The following PKHD1 variants were observed in gnomAD, a reference collection of about 807,000 sequenced individuals.
PKHD1 encodes the protein PKHD1 ciliary IPT domain containing fibrocystin/polyductin.
Under a neutral mutation model 412.0 loss-of-function variants are expected in PKHD1, and 291 were observed. That is an observed-to-expected ratio of 0.71 (90% CI 0.64 to 0.78). The LOEUF (loss-of-function observed/expected upper bound fraction) is 0.78. PKHD1 is among the 30% of genes least tolerant of loss of function. The pLI is 0.00. For missense variants in PKHD1, 4,825 were observed against 4,950.7 expected, an observed-to-expected ratio of 0.97 and a Z score of 0.76; for synonymous variants, 1,777 against 1,821.5, an observed-to-expected ratio of 0.98 and a Z score of 0.62.
rs71544105 is a variant in PKHD1 at position 51,880,779 on chromosome 6, TAAAAAAAAAAAAAAA to T, written c.7350+2299_7350+2313del. On this transcript the variant is annotated intron_variant, in intron 46 of 66. Transcript: ENST00000371117. ...CTTAGAGTATAATAAAAAAAAAAAT[TAAAAAAAAAAAAAAA>T]AAAAAAAAAAAAACACAAAAAATTA... Among the ~76,000 whole-genome samples the T allele has an allele frequency of 2.7e-4, 8 of 30,038 alleles. 1 individual carries two copies. The highest frequency in any genetic ancestry group is 3.3e-4 in the Non-Finnish European group (7 of 21,188). 19.7% of individuals were successfully genotyped at this position (30,038 alleles called of 152,430 possible). A position where few individuals can be genotyped will look rare whatever the true frequency, so the allele number is the denominator to read the frequency against.
At chr6:51,796,582 T>A (rs1794640301) in intron 52 of PKHD1, among the ~76,000 whole-genome samples, 1 of 152,144 alleles carries the variant, frequency 6.6e-6, no homozygotes. Context: ...CTTTTAGTTG[T>A]AATGTTAGAT....
chr6:52,051,632 C>T (rs919022987), intron 21 of PKHD1, among the ~76,000 whole-genome samples: 5 of 152,034 alleles, frequency 3.3e-5, no homozygotes, highest in Non-Finnish European at 7.4e-5. Context: ...GAGGTGAGGG[C>T]AGTAAGAAAA....
In PKHD1 at chr6:51,870,319, G is replaced by A. The variant is rs554014445; in HGVS notation, c.7486+185C>T. On this transcript the variant is annotated intron_variant, in intron 47 of 66. Transcript: ENST00000371117. ...AGGCACCATAATAGGAGCAGGACAG[G>A]GAGCTGCAGAAGCTGTACTGGGAGA... 6.6e-5 allele frequency among the ~76,000 whole-genome samples: 10 copies of A among 152,278 alleles called. No homozygotes were observed. The East Asian group carries it at 1.9e-3, about 29-fold the overall frequency.
chr6:51,900,172 T>G (rs1780993829), intron 43 of PKHD1, among the ~76,000 whole-genome samples: 1 of 152,158 alleles, frequency 6.6e-6, no homozygotes, highest in Non-Finnish European at 1.5e-5. Context: ...AAAACTACTT[T>G]AAAGTTCATA....
intron 36 of PKHD1, among the ~76,000 whole-genome samples, chr6:51,936,313 A>G (rs1787471845): frequency 6.6e-6 from 1 of 152,186 alleles, no homozygotes; most frequent in Admixed American, 6.5e-5. Context: ...TAGTGTCTCA[A>G]TGAGCAAAGG....
chr6:52,052,285 C>T (rs567109903), intron 21 of PKHD1, among the ~76,000 whole-genome samples: 4 of 152,188 alleles, frequency 2.6e-5, no homozygotes, highest in Non-Finnish European at 5.9e-5. Context: ...ACCATTCTGC[C>T]TTGGCTGTGG....
intron 61 of PKHD1, among the ~76,000 whole-genome samples, chr6:51,655,881 C>T (rs1771746812): frequency 6.6e-6 from 1 of 152,162 alleles, no homozygotes; most frequent in African/African-American, 2.4e-5. Context: ...CACTTTTACA[C>T]TGTTGGTGGG....
Position 51,632,545 on chromosome 6 carries a change from AT to A in PKHD1, c.11665+19del. On this transcript the variant is annotated intron_variant, in intron 65 of 66. Transcript: ENST00000371117. Reference sequence around the variant, plus strand: ...TTTTTTCAGAAATTTTCATTCCAAAATAAAAAAAAAACTACATACTTCTGCT... The same window carrying A: ...TTTTTTCAGAAATTTTCATTCCAAAAAAAAAAAAAACTACATACTTCTGCT... 1 of 1,595,130 alleles carries A rather than the reference AT, an allele frequency of 6.3e-7. No individual in the cohort carries two copies. The highest frequency in any genetic ancestry group is 8.6e-7 in the Non-Finnish European group (1 of 1,165,476).
At chr6:51,816,182 G>A (rs6931197) in intron 52 of PKHD1, among the ~76,000 whole-genome samples, 140,273 of 152,212 alleles carry the variant, frequency 0.92, 65,762 homozygotes, top group East Asian at 1. Context: ...TATCTACATA[G>A]TAAAACATAG....
intron 35 of PKHD1, among the ~76,000 whole-genome samples, chr6:51,990,849 C>T (rs1290982147): frequency 4.6e-5 from 7 of 152,140 alleles, no homozygotes; most frequent in Admixed American, 4.6e-4. Context: ...ATTTCAAACT[C>T]ATAGCTCCAA....
intron 60 of PKHD1, among the ~76,000 whole-genome samples, chr6:51,700,158 T>A (rs1380563109): frequency 6.6e-6 from 1 of 152,044 alleles, no homozygotes; most frequent in African/African-American, 2.4e-5. Context: ...TCCTGAGAAA[T>A]TGGTACAAAT....
At position 51,832,456 on chromosome 6, in the gene PKHD1, A is replaced by C. The variant is rs561802897; in HGVS notation, c.8174-1467T>G. On this transcript the variant is annotated intron_variant, in intron 51 of 66. Transcript: ENST00000371117. ...CAGAGCTAGAAGAGAGGTAAGTGAC[A>C]AGGTTGGTAAAATAAACAGAGGCCA... 2.6e-5 allele frequency among the ~76,000 whole-genome samples: 4 copies of C among 152,228 alleles called. No individual in the cohort carries two copies. The East Asian group carries it at 7.7e-4, about 29-fold the overall frequency.
intron 60 of PKHD1, among the ~76,000 whole-genome samples, chr6:51,681,761 G>A (rs1447514298): frequency 6.6e-6 from 1 of 152,024 alleles, no homozygotes; most frequent in Non-Finnish European, 1.5e-5. Context: ...ACTGGCTATT[G>A]TTATAAACAA....
chr6:51,646,950 T>C (rs1378980463), intron 63 of PKHD1, among the ~76,000 whole-genome samples: 1 of 152,096 alleles, frequency 6.6e-6, no homozygotes, highest in East Asian at 1.9e-4. Flanking sequence ...CTTAAAACCC[T>C]CCAATGGCTC....
intron 35 of PKHD1, among the ~76,000 whole-genome samples, chr6:51,989,904 GA>G (rs1796705490): frequency 1.3e-5 from 1 of 76,406 alleles, no homozygotes. Flanking sequence ...AAGGAGGGAG[GA>G]AGGAAGGAAG....
intron 57 of PKHD1, 97 bp from the exon 58 acceptor site, chr6:51,748,762 G>A (rs1040975678): frequency 5.2e-6 from 5 of 962,866 alleles, no homozygotes; most frequent in Admixed American, 3.4e-5. Flanking sequence ...CATTTTTAAT[G>A]AAAATGTAAG....
Position 52,072,121 on chromosome 6 carries a change from C to A in PKHD1, c.596G>T (p.Gly199Val). ...TPCSLINRQM[G>V]SCYPIQEDHG... The stretch of plus-strand genomic sequence containing the variant: ...AAGATAATAAGACACTCACCAGCTT[C>A]CCATCTGCCTATTTATAAGAGAGCA... Residue 199 changes from glycine (G) to valine (V), a missense_variant, in exon 8 of 67, where the codon GGA becomes GTA. Gly to Val is a moderately radical substitution (Grantham distance 109, BLOSUM62 -3). Transcript: ENST00000371117. The A allele has an allele frequency of 6.3e-7, 1 of 1,594,592 alleles. No individual in the cohort carries two copies. The highest frequency in any genetic ancestry group is 1.3e-5 in the African/African-American group (1 of 74,636).
intron 35 of PKHD1, among the ~76,000 whole-genome samples, chr6:51,987,239 T>C (rs1562065545): frequency 6.6e-6 from 1 of 152,132 alleles, no homozygotes; most frequent in Non-Finnish European, 1.5e-5. Flanking sequence ...ATTTGGAAAA[T>C]AGCAAACTGA....
rs2128129982 is a variant in PKHD1 at position 52,017,402 on chromosome 6, A to G, written c.5600+8T>C. The G allele has an allele frequency of 6.3e-7, 1 of 1,588,224 alleles. No homozygotes were observed. Among genetic ancestry groups the G allele is most frequent in the South Asian group, 1.1e-5 (1 of 90,520 alleles). ...GGGGAAGTTCAGGGAGGGAGAAGGT[A>G]AAGTTACCTGATAAAGAGGCCCGAG... On this transcript the variant is annotated splice_region_variant and intron_variant, in intron 34 of 66. Transcript: ENST00000371117.
Sources: gnomAD v4.1 joint callset for allele counts (sites outside exome capture counted in the v4.1 genomes callset) on GRCh38, gnomAD v4.1.1 for gene constraint, MANE v1.5 for transcripts, NCBI Gene and HGNC (gene_info 2026-07-23, HGNC 2026-07-21) for gene names.